The following CORO2B variants were observed in gnomAD, a reference collection of about 807,000 sequenced individuals.
The protein encoded by CORO2B is coronin 2B.
A neutral mutation model predicts 58.8 loss-of-function variants in CORO2B; 26 were observed. That is an observed-to-expected ratio of 0.44 (90% CI 0.32 to 0.61). CORO2B has a LOEUF of 0.61. Among genes scored for constraint, CORO2B ranks in the 20% least tolerant of loss-of-function variants. The pLI is 0.04. For missense variants in CORO2B, 460 were observed against 645.1 expected (o/e 0.71, Z 3.11); for synonymous variants, 242 against 253.8 (o/e 0.95, Z 0.44).
At position 68,645,279 on chromosome 15, in the gene CORO2B, C is replaced by T; in HGVS notation, c.135C>T (p.Phe45=). 2 of 1,614,214 alleles carry T rather than the reference C, an allele frequency of 1.2e-6. No homozygotes were observed. Among genetic ancestry groups the T allele is most frequent in the Non-Finnish European group, 1.7e-6 (2 of 1,180,050 alleles). Residue 45 remains phenylalanine (F), a synonymous_variant, in exon 2 of 12, where the codon TTC becomes TTT. Coordinates refer to ENST00000261861, the MANE Select transcript of CORO2B (RefSeq NM_006091.5). The surrounding 1 kb of genome is among the most constrained non-coding windows in gnomAD (Gnocchi z 4.5). ...PITKNVHDNH[F]CAVNTRFLAI... The stretch of plus-strand genomic sequence containing the variant: ...CCAAGAATGTGCACGACAACCACTT[C>T]TGTGCCGTCAACACCCGCTTCCTGG...
chr15:68,689,507 G>C (rs1892303474), intron 2 of CORO2B, among the ~76,000 whole-genome samples: 1 of 152,162 alleles, frequency 6.6e-6, no homozygotes, highest in Non-Finnish European at 1.5e-5. Context: ...ATATAAATGT[G>C]TTTATATTAA....
chr15:68,564,136 A>G, the CORO2B span, among the ~76,000 whole-genome samples: 1 of 152,166 alleles, frequency 6.6e-6, no homozygotes, highest in African/African-American at 2.4e-5. Context: ...TGCTGTGCTT[A>G]TTGTCGAATG....
At chr15:68,554,421 GAACCTC>G in the CORO2B span, among the ~76,000 whole-genome samples, 1 of 152,166 alleles carries the variant, frequency 6.6e-6, no homozygotes, top group Non-Finnish European at 1.5e-5. Context: ...CCCACCTGGA[GAACCTC>G]CAGCTGCCAG....
chr15:68,580,486 T>C (rs1312973982), intron 1 of CORO2B, among the ~76,000 whole-genome samples: 1 of 152,052 alleles, frequency 6.6e-6, no homozygotes, highest in African/African-American at 2.4e-5. Context: ...CCTCCTGAGG[T>C]CTGCCCCAAG....
At chr15:68,714,766 T>C (rs996230424) in intron 7 of CORO2B, 103 bp downstream of exon 7, 62 of 857,324 alleles carry the variant, frequency 7.2e-5, no homozygotes, top group Non-Finnish European at 6.8e-5. Context: ...CAGCCTAACC[T>C]TCCAAGTTCC....
chr15:68,578,947 T>A, upstream of CORO2B: 18 of 726,872 alleles, frequency 2.5e-5, no homozygotes, highest in Non-Finnish European at 3.0e-5. The surrounding 1 kb of genome is among the most constrained non-coding windows in gnomAD (Gnocchi z 4.2). Flanking sequence ...CCGGCCCCTC[T>A]TCCTCCCCCC....
intron 1 of CORO2B, among the ~76,000 whole-genome samples, chr15:68,640,948 C>G (rs1475362693): frequency 6.6e-6 from 1 of 152,182 alleles, no homozygotes; most frequent in African/African-American, 2.4e-5. Context: ...AGACTCCCAG[C>G]TCAGGGTTCT....
chr15:68,662,867 T>C (rs576124651), intron 2 of CORO2B, among the ~76,000 whole-genome samples: 1 of 152,382 alleles, frequency 6.6e-6, no homozygotes, highest in African/African-American at 2.4e-5. Flanking sequence ...TTTATGCCAG[T>C]AAATGATAAG....
chr15:68,664,530 C>T (rs1002573822), intron 2 of CORO2B, among the ~76,000 whole-genome samples: 2 of 152,022 alleles, frequency 1.3e-5, no homozygotes, highest in Non-Finnish European at 2.9e-5. Context: ...ACCTGTAGTT[C>T]CAGCTACTTG....
intron 1 of CORO2B, among the ~76,000 whole-genome samples, chr15:68,611,695 A>C (rs546489197): frequency 8.5e-5 from 13 of 152,162 alleles, no homozygotes; most frequent in South Asian, 4.2e-4. Context: ...CCTATATAAT[A>C]GTTTATTTTA....
At chr15:68,676,316 T>A (rs775662400) in intron 2 of CORO2B, among the ~76,000 whole-genome samples, 4 of 152,202 alleles carry the variant, frequency 2.6e-5, no homozygotes, top group Non-Finnish European at 5.9e-5. Context: ...GGAGTCATGA[T>A]GAGCTGCACA....
At chr15:68,612,941 CCCAGGT>C (rs1328035769) in intron 1 of CORO2B, among the ~76,000 whole-genome samples, 1 of 152,152 alleles carries the variant, frequency 6.6e-6, no homozygotes, top group Non-Finnish European at 1.5e-5. Context: ...GAGTTCCTTT[CCCAGGT>C]CCAGGACATC....
intron 2 of CORO2B, among the ~76,000 whole-genome samples, chr15:68,692,643 G>GT (rs972430102): frequency 1.3e-5 from 1 of 79,120 alleles, no homozygotes; most frequent in East Asian, 5.9e-4. Flanking sequence ...TTTTTTTTTT[G>GT]TTTTTTTGAA....
intron 1 of CORO2B, among the ~76,000 whole-genome samples, chr15:68,582,449 G>T (rs868744668): frequency 6.6e-6 from 1 of 152,184 alleles, no homozygotes; most frequent in African/African-American, 2.4e-5. Flanking sequence ...AGCTCGGGGC[G>T]AGGGAGCCAA....
rs560233315 is a variant in CORO2B at position 68,711,651 on chromosome 15, C to T, written c.593C>T (p.Thr198Met). Reference sequence around the variant, plus strand: ...ACGGACGGCAGCCTGCTCACCACCACGTGCAAGGACAAGAAGCTGCGTGTG... The same window carrying T: ...ACGGACGGCAGCCTGCTCACCACCATGTGCAAGGACAAGAAGCTGCGTGTG... The part of the protein sequence containing the change: ...FNTDGSLLTT[T>M]CKDKKLRVIE... The change falls in exon 5 of 12, where the codon ACG becomes ATG. Residue 198 changes from threonine to methionine, a missense_variant. Physicochemically the swap from Thr to Met is moderately conservative, Grantham distance 81. This residue lies in a region of CORO2B where 352 missense variants were observed against 543.0 expected (regional missense o/e 0.65). Transcript: ENST00000261861. 6.8e-6 allele frequency: 11 copies of T among 1,614,078 alleles called. 1 individual carries two copies. The highest frequency in any genetic ancestry group is 4.4e-5 in the South Asian group (4 of 91,068).
chr15:68,619,677 G>GTATATA (rs1395684126), intron 1 of CORO2B, among the ~76,000 whole-genome samples: 28 of 152,130 alleles, frequency 1.8e-4, no homozygotes, highest in African/African-American at 6.5e-4. Flanking sequence ...GTGTGTGTGT[G>GTATATA]TGTATATATA....
At chr15:68,601,700 C>T (rs180881727) in intron 1 of CORO2B, among the ~76,000 whole-genome samples, 27 of 152,266 alleles carry the variant, frequency 1.8e-4, no homozygotes, top group Admixed American at 8.5e-4. Context: ...GTGCGAAGGC[C>T]GGAGAAGAAA....
intron 5 of CORO2B, among the ~76,000 whole-genome samples, chr15:68,711,926 C>G (rs1418362462): frequency 6.6e-6 from 1 of 152,190 alleles, no homozygotes; most frequent in Non-Finnish European, 1.5e-5. Flanking sequence ...CCTGTCCCCA[C>G]TGCACCCCCT....
At chr15:68,674,705 T>C (rs1902518053) in intron 2 of CORO2B, among the ~76,000 whole-genome samples, 1 of 152,206 alleles carries the variant, frequency 6.6e-6, no homozygotes, top group Non-Finnish European at 1.5e-5. Context: ...AACTCAGCAG[T>C]GCTCCATGAC....
Sources: allele counts gnomAD v4.1 joint callset (sites outside exome capture counted in the v4.1 genomes callset), GRCh38; gene constraint gnomAD v4.1.1; regional missense constraint gnomAD v4.1.1; non-coding constraint Gnocchi (gnomAD v3.1); transcripts MANE v1.5; gene names NCBI Gene and HGNC (gene_info 2026-07-23, HGNC 2026-07-21).